Variants in PXDNL observed in about 807,000 individuals in gnomAD.
The protein encoded by PXDNL is peroxidasin like, also known as probable oxidoreductase PXDNL.
A neutral mutation model predicts 150.8 loss-of-function variants in PXDNL; 145 were observed. The ratio of observed to expected loss-of-function variants is 0.96; its 90% CI spans 0.84 to 1.10. The LOEUF (loss-of-function observed/expected upper bound fraction) is 1.10. Ranked by LOEUF, PXDNL falls within the 50% of genes least tolerant of loss-of-function variation. The pLI, the probability that PXDNL is intolerant of heterozygous loss-of-function variation, is 0.00. For missense variants in PXDNL, 2,087 were observed against 1,873.9 expected (o/e 1.11, Z -2.10); for synonymous variants, 757 against 725.7 (o/e 1.04, Z -0.69).
Position 51,413,202 on chromosome 8 carries a change from C to T in PXDNL, c.1852G>A (p.Val618Ile). Residue 618 changes from valine (V) to isoleucine (I), a missense_variant, in exon 15 of 23, where the codon GTA (valine) becomes ATA (isoleucine). Val to Ile is a conservative substitution (Grantham distance 29). Coordinates refer to ENST00000356297, the MANE Select transcript of PXDNL (RefSeq NM_144651.5). ...DFVESSILDAVQRVDSAINST... is the reference protein window; with the variant it reads ...DFVESSILDAIQRVDSAINST... ...TTAATTGCACTGTCAACTCTCTGTA[C>T]AGCATCAAGAATGGAAGATTCAACA... 1 of 1,612,754 alleles carries T rather than the reference C, an allele frequency of 6.2e-7. No individual in the cohort carries two copies. The highest frequency in any genetic ancestry group is 8.5e-7 in the Non-Finnish European group (1 of 1,178,918).
At chr8:51,699,617 AGAG>A (rs2130878569) in intron 1 of PXDNL, among the ~76,000 whole-genome samples, 1 of 152,346 alleles carries the variant, frequency 6.6e-6, no homozygotes, top group East Asian at 1.9e-4. Context: ...GTTCGGCACA[AGAG>A]GCCTAGCTTT....
At chr8:51,320,136 T>TA (rs1805274652) in intron 22 of PXDNL, 114 bp from the exon 23 acceptor site, 1 of 949,498 alleles carries the variant, frequency 1.1e-6, no homozygotes, top group East Asian at 3.3e-5. Context: ...CTCAATATAA[T>TA]AAAAAATGCT....
intron 2 of PXDNL, among the ~76,000 whole-genome samples, chr8:51,610,527 G>A (rs1310031696): frequency 6.6e-6 from 1 of 152,126 alleles, no homozygotes; most frequent in African/African-American, 2.4e-5. Flanking sequence ...TTAGGGAGGA[G>A]GGTGAGTATA....
chr8:51,330,891 C>T (rs181904846), intron 21 of PXDNL, among the ~76,000 whole-genome samples: 1 of 152,302 alleles, frequency 6.6e-6, no homozygotes, highest in East Asian at 1.9e-4. Flanking sequence ...GAAAATTCCT[C>T]TCAATCTGTG....
At chr8:51,376,125 A>T (rs890145750) in intron 17 of PXDNL, among the ~76,000 whole-genome samples, 1 of 152,158 alleles carries the variant, frequency 6.6e-6, no homozygotes, top group African/African-American at 2.4e-5. Flanking sequence ...ACACGGAATT[A>T]CTCTATGATA....
intron 9 of PXDNL, among the ~76,000 whole-genome samples, chr8:51,456,697 A>G (rs1470935025): frequency 6.6e-6 from 1 of 152,216 alleles, no homozygotes; most frequent in African/African-American, 2.4e-5. Flanking sequence ...TAGAAGTGCT[A>G]TATTATGATG....
At chr8:51,701,990 C>G (rs1816267969) in intron 1 of PXDNL, among the ~76,000 whole-genome samples, 1 of 152,174 alleles carries the variant, frequency 6.6e-6, no homozygotes, top group Admixed American at 6.5e-5. Context: ...TGTTACAACA[C>G]TGAAAGTGAA....
At chr8:51,756,165 G>A (rs2037098662) in intron 1 of PXDNL, among the ~76,000 whole-genome samples, 1 of 152,088 alleles carries the variant, frequency 6.6e-6, no homozygotes, top group Non-Finnish European at 1.5e-5. Context: ...AGGCCAAGGT[G>A]GGCAGATCAC....
chr8:51,350,229 G>A (rs1806293789), intron 19 of PXDNL, among the ~76,000 whole-genome samples: 2 of 152,112 alleles, frequency 1.3e-5, no homozygotes, highest in African/African-American at 4.8e-5. Context: ...TTTGTACAGA[G>A]GCTTGAGGAG....
At chr8:51,562,238 GCTAT>G (rs931701706) in intron 3 of PXDNL, among the ~76,000 whole-genome samples, 1 of 151,482 alleles carries the variant, frequency 6.6e-6, no homozygotes, top group Non-Finnish European at 1.5e-5. Flanking sequence ...TATATTTTGT[GCTAT>G]CTTTTTTTAT....
rs997145265 is a variant in PXDNL at position 51,407,952 on chromosome 8, T to C, written c.3557+115A>G. 3.8e-5 allele frequency: 30 copies of C among 790,398 alleles called. No individual in the cohort carries two copies. The African/African-American group carries it at 4.7e-4, about 12-fold the overall frequency. The allele number at this position is 790,398 out of a possible 1,614,324, so 49.0% of individuals were successfully genotyped here. On this transcript the variant is annotated intron_variant, in intron 17 of 22. Coordinates refer to ENST00000356297, the MANE Select transcript of PXDNL (RefSeq NM_144651.5). ...ATTAAACCTCTCCAACAATAACAAG[T>C]ACTAAAAGCTCTGCAGCACCCCCAG... is the stretch of plus-strand genomic sequence containing the variant.
intron 1 of PXDNL, among the ~76,000 whole-genome samples, chr8:51,660,002 G>A (rs1005804403): frequency 6.6e-6 from 1 of 151,818 alleles, no homozygotes; most frequent in Admixed American, 6.6e-5. Flanking sequence ...CGATTCTCCT[G>A]CCTTAGCCCC....
intron 1 of PXDNL, among the ~76,000 whole-genome samples, chr8:51,674,610 C>A (rs763307229): frequency 2.6e-5 from 4 of 152,158 alleles, no homozygotes; most frequent in Non-Finnish European, 5.9e-5. Flanking sequence ...GTGTTTACTC[C>A]GAAATTCCAA....
intron 2 of PXDNL, among the ~76,000 whole-genome samples, chr8:51,615,581 A>G (rs1814114047): frequency 6.6e-6 from 1 of 152,224 alleles, no homozygotes; most frequent in African/African-American, 2.4e-5. Flanking sequence ...TCCTACATAA[A>G]TCTATATGAG....
chr8:51,641,096 C>A (rs550412166), intron 2 of PXDNL, among the ~76,000 whole-genome samples: 92 of 151,894 alleles, frequency 6.1e-4, no homozygotes, highest in Non-Finnish European at 1.1e-3. Flanking sequence ...GAAAAACAAG[C>A]AATGGGGAAA....
chr8:51,339,510 G>A (rs1805927678), intron 21 of PXDNL, 114 bp downstream of exon 21: 2 of 1,100,642 alleles, frequency 1.8e-6, no homozygotes, highest in Non-Finnish European at 2.6e-6. Context: ...CCCTGTATAG[G>A]TTTTTATTAT....
At chr8:51,458,408 T>C (rs1318636723) in intron 8 of PXDNL, among the ~76,000 whole-genome samples, 1 of 140,284 alleles carries the variant, frequency 7.1e-6, no homozygotes, top group African/African-American at 3.3e-5. Flanking sequence ...GTTTACAGAT[T>C]TTTTTTCTGG....
chr8:51,437,705 A>T (rs1375015451), intron 12 of PXDNL, among the ~76,000 whole-genome samples: 21 of 152,270 alleles, frequency 1.4e-4, no homozygotes, highest in Admixed American at 1.2e-3. Context: ...AATAAAAGCC[A>T]TCTATGATAA....
chr8:51,735,526 GTTTTT>G (rs777986365), intron 1 of PXDNL, among the ~76,000 whole-genome samples: 20 of 41,102 alleles, frequency 4.9e-4, no homozygotes, highest in East Asian at 4.0e-3. Context: ...ATTAAAAATT[GTTTTT>G]TTTTTTTTTT....
Sources: gnomAD v4.1 joint callset for allele counts (sites outside exome capture counted in the v4.1 genomes callset) on GRCh38, gnomAD v4.1.1 for gene constraint, MANE v1.5 for transcripts, NCBI Gene and HGNC (gene_info 2026-07-23, HGNC 2026-07-21) for gene names.